DTNBP1: variants seen among roughly 807,000 people sequenced by gnomAD.
DTNBP1 encodes the protein dystrobrevin binding protein 1.
Under a neutral mutation model 42.8 loss-of-function variants are expected in DTNBP1, and 35 were observed. That is an observed-to-expected ratio of 0.82 (90% CI 0.63 to 1.09). DTNBP1 has a LOEUF of 1.09. Ranked by LOEUF, DTNBP1 falls within the 50% of genes least tolerant of loss-of-function variation. The probability of loss-of-function intolerance (pLI) is 0.00; values close to 1 mark genes in which losing one functional copy is unlikely to be tolerated. For synonymous variants in DTNBP1, 171 were observed against 162.2 expected (o/e 1.05, Z -0.41); for missense variants, 457 against 424.2 (o/e 1.08, Z -0.68).
At chr6:15,637,620 T>A (rs1760106092) in intron 4 of DTNBP1, 124 bp downstream of exon 4, 16 of 1,046,768 alleles carry the variant, frequency 1.5e-5, no homozygotes, top group Admixed American at 7.5e-5. Flanking sequence ...AACGACTAGA[T>A]TCAATTTCAG....
intron 7 of DTNBP1, chr6:15,585,873 G>A (rs553767821): frequency 1.3e-4 from 189 of 1,421,290 alleles, no homozygotes; most frequent in Admixed American, 1.1e-3. Context: ...CAAAGGAAGT[G>A]AGGCTGAAGC....
At chr6:15,540,211 T>C (rs1773479225) in intron 7 of DTNBP1, among the ~76,000 whole-genome samples, 1 of 152,162 alleles carries the variant, frequency 6.6e-6, no homozygotes, top group Non-Finnish European at 1.5e-5. Context: ...AAAAATGAAC[T>C]GAAGAGGATG....
intron 3 of DTNBP1, among the ~76,000 whole-genome samples, chr6:15,643,478 G>A (rs969508609): frequency 8.6e-5 from 13 of 151,964 alleles, no homozygotes; most frequent in South Asian, 4.2e-4. Context: ...TGACATCCCC[G>A]AGACAAACAG....
At chr6:15,649,974 C>T (rs2113804057) in intron 3 of DTNBP1, among the ~76,000 whole-genome samples, 1 of 152,334 alleles carries the variant, frequency 6.6e-6, no homozygotes, top group East Asian at 1.9e-4. Flanking sequence ...TTGTACTACA[C>T]TTCCTTTCAT....
At chr6:15,619,020 A>C (rs1758884945) in intron 5 of DTNBP1, among the ~76,000 whole-genome samples, 1 of 152,218 alleles carries the variant, frequency 6.6e-6, no homozygotes, top group East Asian at 1.9e-4. Context: ...GTGGAAGCTA[A>C]AAACGTTGAT....
chr6:15,586,354 C>T (rs541008549), intron 7 of DTNBP1, among the ~76,000 whole-genome samples: 114 of 152,156 alleles, frequency 7.5e-4, no homozygotes, highest in African/African-American at 2.7e-3. Context: ...CTAATAGTTA[C>T]AAACACTTCT....
At position 15,587,686 on chromosome 6, in the gene DTNBP1, G is replaced by C. The variant is rs543372040; in HGVS notation, c.511+5373C>G. The stretch of plus-strand genomic sequence containing the variant: ...TTCTAAGGCTTGTGAGGGAGACTTC[G>C]GGCATGGTGCAGCCTAGAGCCCCAA... On this transcript the variant is annotated intron_variant, in intron 7 of 9. Coordinates refer to ENST00000344537, the MANE Select transcript of DTNBP1 (RefSeq NM_032122.5). This position sits in a 1 kb window ranked among gnomAD's most constrained non-coding sequence, Gnocchi z 4.1. 1.3e-5 allele frequency among the ~76,000 whole-genome samples: 2 copies of C among 152,152 alleles called. No individual in the cohort carries two copies. Among genetic ancestry groups the C allele is most frequent in the South Asian group, 4.1e-4 (2 of 4,828 alleles).
intron 6 of DTNBP1, among the ~76,000 whole-genome samples, chr6:15,602,437 A>G (rs1017626791): frequency 1.3e-5 from 2 of 152,206 alleles, no homozygotes; most frequent in Non-Finnish European, 2.9e-5. Context: ...AAACCAGAAA[A>G]GTGAGAAAAG....
At chr6:15,564,135 C>T (rs915324834) in intron 7 of DTNBP1, among the ~76,000 whole-genome samples, 27 of 151,660 alleles carry the variant, frequency 1.8e-4, no homozygotes, top group African/African-American at 5.8e-4. Context: ...TTCCTCCCAT[C>T]TCCTCATTTA....
rs551642924 is a variant in DTNBP1 at position 15,560,303 on chromosome 6, CAA to C, written c.512-26910_512-26909del. Among the ~76,000 whole-genome samples, 449 of 133,804 alleles carry C rather than the reference CAA, an allele frequency of 3.4e-3. 3 individuals carry two copies. Among genetic ancestry groups the C allele is most frequent in the African/African-American group, 0.011 (417 of 36,274 alleles). 87.8% of individuals were successfully genotyped at this position (133,804 alleles called of 152,430 possible). ...CCTGGGCAACGGAGCGAGACTGTCT[CAA>C]AAAAAAAAAAAGTGTTTGAGCCTAG... On this transcript the variant is annotated intron_variant, in intron 7 of 9. Coordinates refer to ENST00000344537, the MANE Select transcript of DTNBP1 (RefSeq NM_032122.5).
At chr6:15,615,227 G>C (rs201994968) in intron 6 of DTNBP1, 40 bp downstream of exon 6, 1 of 1,613,982 alleles carries the variant, frequency 6.2e-7, no homozygotes, top group African/African-American at 1.3e-5. Flanking sequence ...GGAAAACTTC[G>C]AGACTGGAAT....
At chr6:15,611,803 T>C (rs1758421969) in intron 6 of DTNBP1, among the ~76,000 whole-genome samples, 1 of 152,240 alleles carries the variant, frequency 6.6e-6, no homozygotes, top group African/African-American at 2.4e-5. Context: ...ATTGAATTAC[T>C]GCAATCTCGT....
chr6:15,547,922 T>C (rs906471518), intron 7 of DTNBP1, among the ~76,000 whole-genome samples: 1 of 152,222 alleles, frequency 6.6e-6, no homozygotes, highest in Non-Finnish European at 1.5e-5. Flanking sequence ...TATATTTGTA[T>C]TCAAAGCTAA....
At chr6:15,628,508 C>T (rs554967939) in intron 4 of DTNBP1, among the ~76,000 whole-genome samples, 5 of 145,252 alleles carry the variant, frequency 3.4e-5, no homozygotes, top group East Asian at 2.0e-4. Flanking sequence ...CAGGTTCATG[C>T]GATTCTCCTG....
At chr6:15,653,728 A>AATC (rs1761139217) in intron 1 of DTNBP1, among the ~76,000 whole-genome samples, 1 of 152,210 alleles carries the variant, frequency 6.6e-6, no homozygotes. Context: ...CATTCTTCTC[A>AATC]ATCACTTCAA....
chr6:15,639,555 G>A (rs937329831), intron 3 of DTNBP1, among the ~76,000 whole-genome samples: 1 of 152,144 alleles, frequency 6.6e-6, no homozygotes, highest in Non-Finnish European at 1.5e-5. Context: ...AAATTAAGGT[G>A]GAAGGTCACA....
intron 5 of DTNBP1, among the ~76,000 whole-genome samples, chr6:15,625,570 T>C (rs527634006): frequency 3.9e-5 from 6 of 152,202 alleles, no homozygotes; most frequent in Admixed American, 1.3e-4. Flanking sequence ...AGAATCCTAA[T>C]TGGGAACGAA....
At position 15,611,079 on chromosome 6, in the gene DTNBP1, G is replaced by A. The variant is rs528054180; in HGVS notation, c.488+4188C>T. On this transcript the variant is annotated intron_variant, in intron 6 of 9. Transcript: ENST00000344537. ...GCTAGAGAGAGGAAGTCCATGCCTG[G>A]CTTCAAACCTTCAAAGGACAGTCTG... Among the ~76,000 whole-genome samples the A allele has an allele frequency of 2.4e-4, 36 of 152,316 alleles. No individual in the cohort carries two copies. In the South Asian group the frequency reaches 7.5e-3, roughly 32 times the overall value.
At chr6:15,588,125 G>T (rs941195041) in intron 7 of DTNBP1, among the ~76,000 whole-genome samples, 4 of 151,936 alleles carry the variant, frequency 2.6e-5, no homozygotes, top group Non-Finnish European at 5.9e-5. Context: ...AACAAAATGG[G>T]GTATATTCAT....
Sources: allele counts gnomAD v4.1 joint callset (sites outside exome capture counted in the v4.1 genomes callset), GRCh38; gene constraint gnomAD v4.1.1; non-coding constraint Gnocchi (gnomAD v3.1); transcripts MANE v1.5; gene names NCBI Gene and HGNC (gene_info 2026-07-23, HGNC 2026-07-21).